Variants in TAAR1 observed in about 807,000 individuals in gnomAD.
TAAR1 encodes the protein trace amine associated receptor 1, also known as trace amine-associated receptor 1.
In TAAR1, 1 loss-of-function variant was observed where a neutral mutation model predicts 1.2. That is an observed-to-expected ratio of 0.81 (90% CI 0.29 to 3.86). The LOEUF (loss-of-function observed/expected upper bound fraction) is 3.86, where lower values mean the gene tolerates loss of function less well. TAAR1 is among the 30% of genes most tolerant of loss of function. The pLI, the probability that TAAR1 is intolerant of heterozygous loss-of-function variation, is 0.18. For missense variants in TAAR1, 445 were observed against 405.6 expected (o/e 1.10, Z -0.83); for synonymous variants, 153 against 132.2 (o/e 1.16, Z -1.08).
intron 1 of TAAR1, among the ~76,000 whole-genome samples, chr6:132,647,621 AAGG>A (rs1254707345): frequency 6.5e-5 from 4 of 61,372 alleles, no homozygotes; most frequent in African/African-American, 3.6e-4. Flanking sequence ...AAGAAAGAAA[AAGG>A]AAAGAAAGAA....
intron 1 of TAAR1, among the ~76,000 whole-genome samples, chr6:132,647,393 C>T (rs200899359): frequency 8.2e-6 from 1 of 121,440 alleles, no homozygotes; most frequent in African/African-American, 3.3e-5. Context: ...CACACACACA[C>T]ATATATAACA....
intron 1 of TAAR1, among the ~76,000 whole-genome samples, chr6:132,647,683 G>A (rs549410181): frequency 4.3e-5 from 6 of 139,132 alleles, no homozygotes; most frequent in African/African-American, 7.8e-5. Context: ...AAAGAAAGAA[G>A]AAAGAAAGGA....
rs905071759 is a variant in TAAR1, at chr6:132,644,869, T to C, written c.*115A>G. ...ATAATTTAACTCACCATACATACTT[T>C]GACTCAAGTAACTGATTTAAAAAAA... On this transcript the variant is annotated 3_prime_UTR_variant, in exon 2 of 2. Coordinates refer to ENST00000275216, the MANE Select transcript of TAAR1 (RefSeq NM_138327.4). 2.4e-6 allele frequency: 2 copies of C among 824,346 alleles called. No homozygotes were observed. The highest frequency in any genetic ancestry group is 3.5e-5 in the African/African-American group (2 of 56,748). The allele number at this position is 824,346 out of a possible 1,614,324, so 51.1% of individuals were successfully genotyped here.
rs1317154735 is a variant in TAAR1, at chr6:132,645,456, G to A, written c.548C>T (p.Ser183Phe). 5 of 1,613,754 alleles carry A rather than the reference G, an allele frequency of 3.1e-6. No individual in the cohort carries two copies. The highest frequency in any genetic ancestry group is 3.4e-6 in the Non-Finnish European group (4 of 1,179,802). ...CCCAGATATTTTGCTAAAGAAGACAGAGCAACCTCCTCTGCAGTGAACATG... is the reference window on the plus strand; with the variant it reads ...CCCAGATATTTTGCTAAAGAAGACAAAGCAACCTCCTCTGCAGTGAACATG... ...YKHVHCRGGC[S>F]VFFSKISGVL... The change falls in exon 2 of 2, where the codon TCT (serine) becomes TTT (phenylalanine). Residue 183 changes from serine to phenylalanine, a missense_variant. Coordinates refer to ENST00000275216, the MANE Select transcript of TAAR1 (RefSeq NM_138327.4).
intron 1 of TAAR1, among the ~76,000 whole-genome samples, chr6:132,649,909 GA>G (rs1415568968): frequency 6.7e-6 from 1 of 149,812 alleles, no homozygotes; most frequent in Non-Finnish European, 1.5e-5. Context: ...TGTACTTCTT[GA>G]AGATATGAGT....
rs141135312 is a variant in TAAR1 at position 132,645,254 on chromosome 6, C to T, written c.750G>A (p.Val250=). 4.4e-5 allele frequency: 71 copies of T among 1,613,752 alleles called. No homozygotes were observed. The highest frequency in any genetic ancestry group is 3.6e-4 in the African/African-American group (27 of 75,030). ...CTCCCATCACAATCCCCAATGTCTT[C>T]ACAGCTTTCCTTTCTTTGCTTTGTG... ...GISQSKERKA[V]KTLGIVMGVF... is the part of the protein sequence containing the mutation. The change falls in exon 2 of 2, where the codon GTG becomes GTA. Residue 250 remains valine, a synonymous_variant. Coordinates refer to ENST00000275216, the MANE Select transcript of TAAR1 (RefSeq NM_138327.4).
Position 132,643,563 on chromosome 6 carries a change from G to A in TAAR1, c.*1421C>T, listed in dbSNP as rs1346998669. 2.0e-5 allele frequency among the ~76,000 whole-genome samples: 3 copies of A among 151,964 alleles called. No individual in the cohort carries two copies. Among genetic ancestry groups the A allele is most frequent in the African/African-American group, 4.8e-5 (2 of 41,410 alleles). On this transcript the variant is annotated 3_prime_UTR_variant, in exon 2 of 2. Transcript: ENST00000275216. ...CAGAAACAGACTATAATTTCTGGAA[G>A]GATTTCACATATCCTCCGGAGATCC...
chr6:132,656,084 G>A (rs950636817), intron 1 of TAAR1, among the ~76,000 whole-genome samples: 2 of 152,136 alleles, frequency 1.3e-5, no homozygotes, highest in Non-Finnish European at 2.9e-5. Flanking sequence ...TTCAAGTCCT[G>A]GCTGGGCCAT....
Position 132,643,919 on chromosome 6 carries a change from G to A in TAAR1, c.*1065C>T, listed in dbSNP as rs1777629611. On this transcript the variant is annotated 3_prime_UTR_variant, in exon 2 of 2. Coordinates refer to ENST00000275216, the MANE Select transcript of TAAR1 (RefSeq NM_138327.4). Reference sequence around the variant, plus strand: ...GCCCTCATGTTTAGCTACTTTGATGGATGACTGCTTCTCCTTCTGTGTATT... The same window carrying A: ...GCCCTCATGTTTAGCTACTTTGATGAATGACTGCTTCTCCTTCTGTGTATT... Among the ~76,000 whole-genome samples the A allele has an allele frequency of 1.3e-5, 2 of 151,848 alleles. No individual in the cohort carries two copies. The highest frequency in any genetic ancestry group is 2.9e-5 in the Non-Finnish European group (2 of 67,906).
At chr6:132,649,950 T>A (rs1296270357) in intron 1 of TAAR1, among the ~76,000 whole-genome samples, 2 of 152,200 alleles carry the variant, frequency 1.3e-5, no homozygotes, top group African/African-American at 4.8e-5. Flanking sequence ...TCCGTAACGC[T>A]ACTCCTGCTA....
intron 1 of TAAR1, among the ~76,000 whole-genome samples, chr6:132,655,163 A>G (rs924257451): frequency 2.6e-5 from 4 of 152,220 alleles, no homozygotes; most frequent in Admixed American, 6.5e-5. Flanking sequence ...TAAGAACTTT[A>G]AATAAAATTT....
intron 1 of TAAR1, among the ~76,000 whole-genome samples, chr6:132,647,368 A>ACACGCACACACACACACATACGCATG (rs1777685563): frequency 1.4e-5 from 1 of 71,194 alleles, no homozygotes; most frequent in African/African-American, 3.6e-5. Flanking sequence ...GCATGCACAC[A>ACACGCACACACACACACATACGCATG]CACACACACA....
rs564238518 is a variant in TAAR1 at position 132,648,090 on chromosome 6, C to T, written c.-126-1961G>A. Among the ~76,000 whole-genome samples, 5 of 152,148 alleles carry T rather than the reference C, an allele frequency of 3.3e-5. No homozygotes were observed. In the South Asian group the frequency reaches 1.0e-3, roughly 32 times the overall value. ...TTTAAACTAAGCAATATTTGAATTACGATTATGATTTCATTAAAACAATGA... is the reference window on the plus strand; with the variant it reads ...TTTAAACTAAGCAATATTTGAATTATGATTATGATTTCATTAAAACAATGA... On this transcript the variant is annotated intron_variant, in intron 1 of 1. Coordinates refer to ENST00000275216, the MANE Select transcript of TAAR1 (RefSeq NM_138327.4).
intron 1 of TAAR1, among the ~76,000 whole-genome samples, chr6:132,655,376 C>CTTTT (rs6149815): frequency 7.5e-6 from 1 of 133,352 alleles, no homozygotes; most frequent in Non-Finnish European, 1.6e-5. Context: ...TTCATTCATT[C>CTTTT]TTTTTTTTTT....
rs546268700 is a variant in TAAR1, at chr6:132,656,817, G to A, written c.-127+2313C>T. On this transcript the variant is annotated intron_variant, in intron 1 of 1. Transcript: ENST00000275216. ...GAGGTTAGAAATTATGAGGGAAATA[G>A]GATGACAATTCAACAATCCTATATG... Among the ~76,000 whole-genome samples the A allele has an allele frequency of 2.0e-5, 3 of 152,192 alleles. No individual in the cohort carries two copies. The East Asian group carries it at 5.8e-4, about 29-fold the overall frequency.
At chr6:132,658,462 A>G (rs1777833522) in intron 1 of TAAR1, among the ~76,000 whole-genome samples, 1 of 152,204 alleles carries the variant, frequency 6.6e-6, no homozygotes, top group Non-Finnish European at 1.5e-5. Flanking sequence ...AATCAGATTT[A>G]GGTAATGTAA....
In TAAR1 at chr6:132,644,438, T is replaced by C. The variant is rs1240422752; in HGVS notation, c.*546A>G. On this transcript the variant is annotated 3_prime_UTR_variant, in exon 2 of 2. Transcript: ENST00000275216. ...TTCAAATTTCTTAGAAGCATGAGAA[T>C]CAGAAAAACATAATTTAAAAATGTG... Among the ~76,000 whole-genome samples the C allele has an allele frequency of 6.6e-6, 1 of 151,896 alleles. No homozygotes were observed. Among genetic ancestry groups the C allele is most frequent in the East Asian group, 1.9e-4 (1 of 5,192 alleles).
chr6:132,646,433 G>A (rs1000951954), intron 1 of TAAR1, among the ~76,000 whole-genome samples: 5 of 152,102 alleles, frequency 3.3e-5, no homozygotes, highest in African/African-American at 1.2e-4. Flanking sequence ...GTGTCCATAG[G>A]AAGCCAGTCT....
rs867036094 is a variant in TAAR1 at position 132,648,578 on chromosome 6, T to C, written c.-126-2449A>G. On this transcript the variant is annotated intron_variant, in intron 1 of 1. Coordinates refer to ENST00000275216, the MANE Select transcript of TAAR1 (RefSeq NM_138327.4). ...GCCTTAGGCACAGTATCTTAGAAAT[T>C]GTTGATAGTATGAATGCCACATCTG... 1.6e-4 allele frequency among the ~76,000 whole-genome samples: 25 copies of C among 152,286 alleles called. No individual in the cohort carries two copies. The Middle Eastern group carries it at 0.01, about 62-fold the overall frequency.
Sources: gnomAD v4.1 joint callset for allele counts (sites outside exome capture counted in the v4.1 genomes callset) on GRCh38, gnomAD v4.1.1 for gene constraint, MANE v1.5 for transcripts, NCBI Gene and HGNC (gene_info 2026-07-23, HGNC 2026-07-21) for gene names.